INTS6L: variants seen among roughly 807,000 people sequenced by gnomAD.
The protein encoded by INTS6L is integrator complex subunit 6 like, also known as integrator complex subunit 6-like.
A neutral mutation model predicts 64.7 loss-of-function variants in INTS6L; 18 were observed. That is an observed-to-expected ratio of 0.28 (90% CI 0.19 to 0.41). The LOEUF (loss-of-function observed/expected upper bound fraction) is 0.41. Ranked by LOEUF, INTS6L falls within the 10% of genes least tolerant of loss-of-function variation. The probability of loss-of-function intolerance (pLI) is 1.00; values close to 1 mark genes in which losing one functional copy is unlikely to be tolerated. For synonymous variants in INTS6L, 227 were observed against 235.9 expected, an observed-to-expected ratio of 0.96 and a Z score of 0.34; for missense variants, 533 against 661.0, an observed-to-expected ratio of 0.81 and a Z score of 2.12.
rs782786815 is a variant in INTS6L, at chrX:135,521,057, C to T, written c.65C>T (p.Thr22Ile). 5 of 1,211,337 alleles carry T rather than the reference C, an allele frequency of 4.1e-6. No individual in the cohort carries two copies. The highest frequency in any genetic ancestry group is 5.6e-6 in the Non-Finnish European group (5 of 895,396). ...ASMNQRTDLG[T>I]SYLDIAKGAV... ...ATGAACCAGCGCACTGACCTGGGCA[C>T]CTCTTATTTGGACATTGCCAAAGGC... Residue 22 changes from threonine to isoleucine, a missense_variant, in exon 1 of 18, where the codon ACC (threonine) becomes ATC (isoleucine). By Grantham distance (89) the Thr-to-Ile change is moderately conservative. Coordinates refer to ENST00000639893, the MANE Select transcript of INTS6L (RefSeq NM_001351601.3).
chrX:135,563,619 ATG>A (rs1186644920), intron 9 of INTS6L, among the ~76,000 whole-genome samples: 610 of 12,107 alleles, frequency 0.05, 20 homozygotes, highest in South Asian at 0.15. Flanking sequence ...ATATATCCAT[ATG>A]TGTGTGTGTG....
intron 2 of INTS6L, among the ~76,000 whole-genome samples, chrX:135,539,101 C>G (rs2086128495): frequency 8.9e-6 from 1 of 112,063 alleles, no homozygotes; most frequent in African/African-American, 3.2e-5. Context: ...AAAAAGTCAG[C>G]CTGTCCTTTG....
At chrX:135,552,613 A>C (rs17330745) in intron 8 of INTS6L, among the ~76,000 whole-genome samples, 4,698 of 112,241 alleles carry the variant, frequency 0.042, 99 homozygotes, top group Non-Finnish European at 0.067. Flanking sequence ...CCTGTGGTAC[A>C]AATCACACTA....
Position 135,523,089 on chromosome X carries a change from A to G in INTS6L, c.189+1771A>G, listed in dbSNP as rs1183768738. ...AAGCAGTGTGCCTTCTTTTCCTTAAAGGAACAACTTATTGGCCGGGTGCGG... is the reference window on the plus strand; with the variant it reads ...AAGCAGTGTGCCTTCTTTTCCTTAAGGGAACAACTTATTGGCCGGGTGCGG... On this transcript the variant is annotated intron_variant, in intron 2 of 17. Coordinates refer to ENST00000639893, the MANE Select transcript of INTS6L (RefSeq NM_001351601.3). Among the ~76,000 whole-genome samples the G allele has an allele frequency of 2.7e-5, 3 of 112,017 alleles. No homozygotes were observed. In the East Asian group the frequency reaches 8.3e-4, roughly 31 times the overall value.
intron 2 of INTS6L, among the ~76,000 whole-genome samples, chrX:135,543,433 G>C (rs1556513730): frequency 9.0e-6 from 1 of 111,373 alleles, no homozygotes; most frequent in East Asian, 2.8e-4. Context: ...ACATCAGTGA[G>C]TCTCATGATC....
At position 135,569,450 on chromosome X, in the gene INTS6L, A is replaced by G. The variant is rs782246142; in HGVS notation, c.1287+19A>G. On this transcript the variant is annotated intron_variant, in intron 10 of 17. Transcript: ENST00000639893. Reference sequence around the variant, plus strand: ...CCTATTAGTATGTATTTGTGTGTATATATGTATTAACTGTATCAATGATAA... The same window carrying G: ...CCTATTAGTATGTATTTGTGTGTATGTATGTATTAACTGTATCAATGATAA... 2.7e-5 allele frequency: 26 copies of G among 978,334 alleles called. No homozygotes were observed. The highest frequency in any genetic ancestry group is 3.3e-5 in the Non-Finnish European group (24 of 724,384). The allele number at this position is 978,334 out of a possible 1,213,427, so 80.6% of individuals were successfully genotyped here.
chrX:135,574,071 A>C lies in INTS6L; in HGVS notation c.1741+9A>C, dbSNP rs1556529469. ...TGTTGGACAAGATGAAGGTAAAATA[A>C]CTGTGAAATACTTTTTTTTTTTTTT... On this transcript the variant is annotated intron_variant, in intron 13 of 17. Transcript: ENST00000639893. 7.7e-6 allele frequency: 9 copies of C among 1,171,848 alleles called. No individual in the cohort carries two copies. The highest frequency in any genetic ancestry group is 1.0e-5 in the Non-Finnish European group (9 of 881,608).
chrX:135,575,803 T>TGC (rs1386922584), intron 14 of INTS6L, among the ~76,000 whole-genome samples: 1 of 109,381 alleles, frequency 9.1e-6, no homozygotes, highest in Non-Finnish European at 1.9e-5. Context: ...TGTGTGTGTG[T>TGC]GTGTGTATGT....
chrX:135,546,632 AC>A, intron 4 of INTS6L, 69 bp from the exon 5 acceptor site: 1 of 1,101,921 alleles, frequency 9.1e-7, no homozygotes, highest in Non-Finnish European at 1.2e-6. Flanking sequence ...GAAAAAGTCA[AC>A]CCTTTAATTC....
rs2085803953 is a variant in INTS6L at position 135,528,550 on chromosome X, G to T, written c.189+7232G>T. Among the ~76,000 whole-genome samples the T allele has an allele frequency of 7.2e-5, 8 of 111,100 alleles. No homozygotes were observed. The Admixed American group carries it at 7.7e-4, about 11-fold the overall frequency. On this transcript the variant is annotated intron_variant, in intron 2 of 17. Coordinates refer to ENST00000639893, the MANE Select transcript of INTS6L (RefSeq NM_001351601.3). ...TTCATAGATTGGCTACATTTACACG[G>T]TTCAGCATAGCGTCCACTTAGCCAC... is the stretch of plus-strand genomic sequence containing the variant.
chrX:135,545,583 T>A lies in INTS6L; in HGVS notation c.339+11T>A, dbSNP rs111475540. 2,463 of 1,188,098 alleles carry A rather than the reference T, an allele frequency of 2.1e-3. 31 individuals carry two copies. In the African/African-American group the frequency reaches 0.036, roughly 17 times the overall value. ...GACAATTATGGACAGGTAAAAATAA[T>A]TTGAGTGAGTACAGCTAATTTATTT... is the stretch of plus-strand genomic sequence containing the variant. On this transcript the variant is annotated intron_variant, in intron 3 of 17. Coordinates refer to ENST00000639893, the MANE Select transcript of INTS6L (RefSeq NM_001351601.3).
chrX:135,569,352 T>C lies in INTS6L; in HGVS notation c.1208T>C (p.Val403Ala). The change falls in exon 10 of 18, where the codon GTT (valine) becomes GCT (alanine). Residue 403 changes from valine (V) to alanine (A), a missense_variant. Val to Ala is a moderately conservative substitution (Grantham distance 64, BLOSUM62 0). Transcript: ENST00000639893. ...LLPLLDDLFK[V>A]HKLKPNLKWR... is the part of the protein sequence containing the mutation. ...TCTATTACAGATGACTTGTTTAAAG[T>C]TCACAAGCTTAAGCCAAATCTGAAG... The C allele has an allele frequency of 8.5e-7, 1 of 1,181,057 alleles. No homozygotes were observed. The highest frequency in any genetic ancestry group is 1.8e-5 in the African/African-American group (1 of 56,656).
At chrX:135,526,115 C>G (rs1293466455) in intron 2 of INTS6L, among the ~76,000 whole-genome samples, 2 of 111,596 alleles carry the variant, frequency 1.8e-5, no homozygotes, top group African/African-American at 6.5e-5. Flanking sequence ...TCTCTCGTAT[C>G]CATTCATTCT....
rs2087334271 is a variant in INTS6L at position 135,580,112 on chromosome X, A to G, written c.2444A>G (p.Asn815Ser). The change falls in exon 16 of 18, where the codon AAT becomes AGT. Residue 815 changes from asparagine (N) to serine (S), a missense_variant. Physicochemically the swap from Asn to Ser is conservative, Grantham distance 46. Transcript: ENST00000639893. Reference sequence around the variant, plus strand: ...ACTCCTGCTATGGCACAAGGAATCAATGCTGATATAAAACATCAATTAATG... The same window carrying G: ...ACTCCTGCTATGGCACAAGGAATCAGTGCTGATATAAAACATCAATTAATG... ...QITPAMAQGI[N>S]ADIKHQLMKE... The G allele has an allele frequency of 1.7e-6, 2 of 1,189,245 alleles. No individual in the cohort carries two copies. The highest frequency in any genetic ancestry group is 2.3e-6 in the Non-Finnish European group (2 of 883,710).
intron 2 of INTS6L, among the ~76,000 whole-genome samples, chrX:135,528,875 C>G (rs1316086631): frequency 1.2e-5 from 1 of 84,237 alleles, no homozygotes; most frequent in East Asian, 4.4e-4. Flanking sequence ...CACCCCCCCC[C>G]CCGACCCACC....
intron 17 of INTS6L, 150 bp from the exon 18 acceptor site, chrX:135,581,378 T>C: frequency 2.0e-6 from 1 of 495,162 alleles, no homozygotes; most frequent in Non-Finnish European, 3.4e-6. Flanking sequence ...TTGCCACTAT[T>C]GGTACTTGCT....
intron 2 of INTS6L, among the ~76,000 whole-genome samples, chrX:135,533,107 AC>A (rs201716476): frequency 0.074 from 8,254 of 111,296 alleles, 492 homozygotes; most frequent in African/African-American, 0.19. Flanking sequence ...AAACAAAAAA[AC>A]AACTTTTAAA....
chrX:135,527,835 A>G (rs1368533519), intron 2 of INTS6L, among the ~76,000 whole-genome samples: 2 of 110,119 alleles, frequency 1.8e-5, no homozygotes, highest in Admixed American at 1.9e-4. Flanking sequence ...TATGGTTGGG[A>G]TTGGGGTGGG....
At position 135,532,150 on chromosome X, in the gene INTS6L, C is replaced by T. The variant is rs1032009302; in HGVS notation, c.189+10832C>T. On this transcript the variant is annotated intron_variant, in intron 2 of 17. Coordinates refer to ENST00000639893, the MANE Select transcript of INTS6L (RefSeq NM_001351601.3). The stretch of plus-strand genomic sequence containing the variant: ...TGCTGTTTAATCAGAAGGGCCAGTC[C>T]CTCTTTGAATTTTTGTCTCTGCCAA... Among the ~76,000 whole-genome samples, 7 of 111,827 alleles carry T rather than the reference C, an allele frequency of 6.3e-5. No individual in the cohort carries two copies. The Admixed American group carries it at 6.6e-4, about 11-fold the overall frequency.
Sources: allele counts gnomAD v4.1 joint callset (sites outside exome capture counted in the v4.1 genomes callset), GRCh38; gene constraint gnomAD v4.1.1; transcripts MANE v1.5; gene names NCBI Gene and HGNC (gene_info 2026-07-23, HGNC 2026-07-21).